The following LRMDA variants were observed in gnomAD, a reference collection of about 807,000 sequenced individuals.
LRMDA encodes leucine rich melanocyte differentiation associated.
Under a neutral mutation model 29.8 loss-of-function variants are expected in LRMDA, and 18 were observed. The observed-to-expected ratio is 0.60, with a 90% confidence interval of 0.42 to 0.90. The LOEUF is 0.90. Ranked by LOEUF, LRMDA falls within the 40% of genes least tolerant of loss-of-function variation. LRMDA has a pLI of 0.00. For missense variants in LRMDA, 273 were observed against 273.9 expected, an observed-to-expected ratio of 1.00 and a Z score of 0.02; for synonymous variants, 125 against 109.4, an observed-to-expected ratio of 1.14 and a Z score of -0.89.
intron 6 of LRMDA, among the ~76,000 whole-genome samples, chr10:76,373,130 C>T (rs1156923286): frequency 1.3e-5 from 2 of 152,082 alleles, no homozygotes; most frequent in Non-Finnish European, 2.9e-5. Flanking sequence ...AACATGGTGT[C>T]TCTTTGTTTG....
At chr10:76,035,263 G>C (rs1413769598) in intron 2 of LRMDA, among the ~76,000 whole-genome samples, 1 of 151,868 alleles carries the variant, frequency 6.6e-6, no homozygotes, top group Non-Finnish European at 1.5e-5. Flanking sequence ...CTTTGAAGCA[G>C]CAATTCTCCC....
chr10:75,878,114 T>G (rs1845231302), intron 2 of LRMDA, among the ~76,000 whole-genome samples: 2 of 152,276 alleles, frequency 1.3e-5, no homozygotes, highest in African/African-American at 4.8e-5. Flanking sequence ...TATGTTACAG[T>G]GTATTCTTTC....
At chr10:75,542,238 G>C (rs1353471054) in intron 2 of LRMDA, among the ~76,000 whole-genome samples, 4 of 152,082 alleles carry the variant, frequency 2.6e-5, no homozygotes, top group African/African-American at 9.7e-5. Flanking sequence ...TCATTGAGGG[G>C]GTTAGAGAGA....
intron 5 of LRMDA, among the ~76,000 whole-genome samples, chr10:76,323,751 A>T (rs1840800323): frequency 6.6e-6 from 1 of 152,216 alleles, no homozygotes; most frequent in African/African-American, 2.4e-5. Context: ...ACAGTGAAAA[A>T]GCATCATCCT....
At chr10:75,800,974 T>C (rs1401280076) in intron 2 of LRMDA, among the ~76,000 whole-genome samples, 5 of 152,230 alleles carry the variant, frequency 3.3e-5, no homozygotes, top group Non-Finnish European at 5.9e-5. Flanking sequence ...AATTTTGCAA[T>C]TGATCTTAGT....
At chr10:75,941,786 C>T (rs564348702) in intron 2 of LRMDA, among the ~76,000 whole-genome samples, 1 of 152,246 alleles carries the variant, frequency 6.6e-6, no homozygotes, top group South Asian at 2.1e-4. Context: ...TGGACAGTAT[C>T]CAGGCCCTCC....
intron 2 of LRMDA, among the ~76,000 whole-genome samples, chr10:75,975,860 G>A (rs2132443704): frequency 6.6e-6 from 1 of 152,170 alleles, no homozygotes; most frequent in Admixed American, 6.5e-5. Context: ...TCATCACAGA[G>A]TCCTGTCAGC....
intron 2 of LRMDA, among the ~76,000 whole-genome samples, chr10:75,897,963 AG>A (rs1845612029): frequency 6.6e-6 from 1 of 151,816 alleles, no homozygotes. Context: ...CTGGGATTAC[AG>A]GCACCCACCA....
chr10:75,664,152 G>A (rs1160242814), intron 2 of LRMDA, among the ~76,000 whole-genome samples: 1 of 152,164 alleles, frequency 6.6e-6, no homozygotes, highest in Non-Finnish European at 1.5e-5. Context: ...GCTGACTCAT[G>A]TGTTCTGTCT....
rs57507869 is a variant in LRMDA, at chr10:75,884,245, TTGTGTGTGTGTGTGTG to T, written c.132-151731_132-151716del. Reference sequence around the variant, plus strand: ...CTAGTGTTTGGAAGGGCAGGCGACTTTGTGTGTGTGTGTGTGTGTGTGTGTGTGTGTGTGTGTGTGT... The same window carrying T: ...CTAGTGTTTGGAAGGGCAGGCGACTTTGTGTGTGTGTGTGTGTGTGTGTGT... On this transcript the variant is annotated intron_variant, in intron 2 of 6. Coordinates refer to ENST00000611255, the MANE Select transcript of LRMDA (RefSeq NM_001305581.2). Among the ~76,000 whole-genome samples the T allele has an allele frequency of 6.3e-3, 685 of 109,574 alleles. 9 individuals are homozygous for T. Among genetic ancestry groups the T allele is most frequent in the African/African-American group, 0.023 (654 of 28,050 alleles). 71.9% of individuals were successfully genotyped at this position (109,574 alleles called of 152,430 possible).
chr10:75,717,784 C>G (rs1407467749), intron 2 of LRMDA, among the ~76,000 whole-genome samples: 1 of 152,188 alleles, frequency 6.6e-6, no homozygotes, highest in African/African-American at 2.4e-5. Context: ...CCCCTGCTAA[C>G]AAGTCCTCTG....
At chr10:75,502,643 G>T (rs1845126108) in intron 2 of LRMDA, among the ~76,000 whole-genome samples, 1 of 152,206 alleles carries the variant, frequency 6.6e-6, no homozygotes, top group Non-Finnish European at 1.5e-5. Flanking sequence ...ACTCAGGCAG[G>T]TGCAAGTATG....
chr10:75,464,760 AG>A (rs1340483947), intron 2 of LRMDA, among the ~76,000 whole-genome samples: 1 of 152,176 alleles, frequency 6.6e-6, no homozygotes, highest in African/African-American at 2.4e-5. Flanking sequence ...TACTGGGATC[AG>A]GGGAAGTCCT....
intron 5 of LRMDA, among the ~76,000 whole-genome samples, chr10:76,080,738 G>A (rs891522661): frequency 3.9e-5 from 6 of 152,234 alleles, no homozygotes; most frequent in African/African-American, 1.4e-4. Context: ...AGCTACTGCA[G>A]TTGTGATTTA....
rs1843604733 is a variant in LRMDA at position 76,560,115 on chromosome 10, TTG to T, written c.*2833_*2834del. The stretch of plus-strand genomic sequence containing the variant: ...CTTGATCAGGCTGCATGTCTGAGTG[TTG>T]TGTGTTTTCACATACTCATGTATAC... On this transcript the variant is annotated 3_prime_UTR_variant, in exon 7 of 7. Coordinates refer to ENST00000611255, the MANE Select transcript of LRMDA (RefSeq NM_001305581.2). 1 of 152,160 alleles carries T rather than the reference TTG, an allele frequency of 6.6e-6. No homozygotes were observed. The highest frequency in any genetic ancestry group is 1.5e-5 in the Non-Finnish European group (1 of 68,030). The allele number at this position is 152,160 out of a possible 1,614,324, so 9.4% of individuals were successfully genotyped here.
At chr10:76,181,965 T>A (rs1193124046) in intron 5 of LRMDA, among the ~76,000 whole-genome samples, 1 of 152,234 alleles carries the variant, frequency 6.6e-6, no homozygotes, top group African/African-American at 2.4e-5. Flanking sequence ...GCACCTTTAA[T>A]GTATTTCTGC....
intron 5 of LRMDA, among the ~76,000 whole-genome samples, chr10:76,283,127 T>G (rs906530542): frequency 6.6e-6 from 1 of 152,200 alleles, no homozygotes; most frequent in Non-Finnish European, 1.5e-5. Flanking sequence ...TCCCCTTTAA[T>G]GGGAAATGTG....
intron 6 of LRMDA, among the ~76,000 whole-genome samples, chr10:76,352,780 T>C (rs1177676309): frequency 1.3e-5 from 2 of 151,956 alleles, no homozygotes; most frequent in African/African-American, 4.8e-5. Flanking sequence ...GAAAGTAGAG[T>C]GCCTTCACTG....
At chr10:76,506,838 A>G (rs1023597607) in intron 6 of LRMDA, among the ~76,000 whole-genome samples, 3 of 152,040 alleles carry the variant, frequency 2.0e-5, no homozygotes, top group Non-Finnish European at 2.9e-5. Context: ...TTGTGCGTAT[A>G]TAACACATTA....
Sources: allele counts gnomAD v4.1 joint callset (sites outside exome capture counted in the v4.1 genomes callset), GRCh38; gene constraint gnomAD v4.1.1; transcripts MANE v1.5; gene names NCBI Gene and HGNC (gene_info 2026-07-23, HGNC 2026-07-21).